CSF2RA: variants seen among roughly 807,000 people sequenced by gnomAD.
The protein encoded by CSF2RA is granulocyte-macrophage colony-stimulating factor receptor subunit alpha.
A neutral mutation model predicts 51.6 loss-of-function variants in CSF2RA; 42 were observed. That is an observed-to-expected ratio of 0.81 (90% CI 0.64 to 1.05). The LOEUF is 1.05. CSF2RA is among the 50% of genes least tolerant of loss of function. The probability of loss-of-function intolerance (pLI) is 0.00; values close to 1 mark genes in which losing one functional copy is unlikely to be tolerated. For missense variants in CSF2RA, 530 were observed against 501.1 expected (o/e 1.06, Z -0.55); for synonymous variants, 222 against 193.0 (o/e 1.15, Z -1.24).
At position 1,274,753 on chromosome X, in the gene CSF2RA, A is replaced by G. The variant is rs1161400432; in HGVS notation, c.-90-2A>G. 2 of 453,218 alleles carry G rather than the reference A, an allele frequency of 4.4e-6. No homozygotes were observed. The highest frequency in any genetic ancestry group is 3.1e-5 in the South Asian group (2 of 64,454). The allele number at this position is 453,218 out of a possible 1,614,324, so 28.1% of individuals were successfully genotyped here. A position where few individuals can be genotyped will look rare whatever the true frequency, so the allele number is the denominator to read the frequency against. On this transcript the variant is annotated splice_acceptor_variant, in intron 1 of 12. Coordinates refer to ENST00000381529, the MANE Select transcript of CSF2RA (RefSeq NM_172245.4). LOFTEE classifies it low-confidence loss of function (5UTR_SPLICE). Reference sequence around the variant, plus strand: ...GTCCTGAGACTTATTTACCTTTCACAGTTTACAGCAGGAAAATCCGTGGAG... The same window carrying G: ...GTCCTGAGACTTATTTACCTTTCACGGTTTACAGCAGGAAAATCCGTGGAG...
At chrX:1,273,767 A>ATT (rs1443563028) in intron 1 of CSF2RA, among the ~76,000 whole-genome samples, 72 of 132,366 alleles carry the variant, frequency 5.4e-4, no homozygotes, top group African/African-American at 7.3e-4. Context: ...TTTTTTTTGT[A>ATT]TTTTTTTTTT....
chrX:1,294,873 G>A (rs112738360), intron 8 of CSF2RA, among the ~76,000 whole-genome samples: 288 of 31,002 alleles, frequency 9.3e-3, no homozygotes, highest in Middle Eastern at 0.019. Context: ...GTGTAGACAG[G>A]AGGAGACCCT....
At chrX:1,289,011 C>A in intron 6 of CSF2RA, 123 bp downstream of exon 6, 2 of 1,349,312 alleles carry the variant, frequency 1.5e-6, no homozygotes, top group Non-Finnish European at 2.1e-6. Context: ...GCCCAGGCTG[C>A]AATGCAATGG....
intron 4 of CSF2RA, among the ~76,000 whole-genome samples, chrX:1,287,460 T>A (rs766866384): frequency 1.4e-5 from 2 of 143,544 alleles, no homozygotes; most frequent in South Asian, 4.5e-4. Flanking sequence ...CCTTTATTTT[T>A]TGGGATGGAG....
In CSF2RA at chrX:1,309,247, C is replaced by T. The variant is rs3922510; in HGVS notation, c.1126-155C>T. On this transcript the variant is annotated intron_variant, in intron 12 of 12. Coordinates refer to ENST00000381529, the MANE Select transcript of CSF2RA (RefSeq NM_172245.4). ...GGAGAATCGCTTGAACCCGGGAGGC[C>T]GAGGTTGCAGTGAGCTGAGATGACA... is the stretch of plus-strand genomic sequence containing the variant. 0.05 allele frequency among the ~76,000 whole-genome samples: 7,633 copies of T among 151,800 alleles called. 618 individuals are homozygous for T. The highest frequency in any genetic ancestry group is 0.17 in the African/African-American group (7,096 of 41,376).
Position 1,300,638 on chromosome X carries a change from G to A in CSF2RA, c.946+12G>A. 1 of 1,613,852 alleles carries A rather than the reference G, an allele frequency of 6.2e-7. No homozygotes were observed. The highest frequency in any genetic ancestry group is 8.5e-7 in the Non-Finnish European group (1 of 1,179,860). On this transcript the variant is annotated intron_variant, in intron 10 of 12. Transcript: ENST00000381529. ...AGCCATTGAATTTGGTAAGCGTTGG[G>A]CGGAGGTAAGGGATGTTTGTGCCGT...
At chrX:1,301,753 C>A (rs184386576) in intron 10 of CSF2RA, among the ~76,000 whole-genome samples, 4 of 150,668 alleles carry the variant, frequency 2.7e-5, no homozygotes, top group Non-Finnish European at 5.9e-5. Flanking sequence ...CCCATCACCA[C>A]GCCTGGCTAA....
chrX:1,300,293 T>C (rs2092283224), intron 9 of CSF2RA, 198 bp from the exon 10 acceptor site: 1 of 624,152 alleles, frequency 1.6e-6, no homozygotes, highest in Non-Finnish European at 2.8e-6. Context: ...TTGTCTCCCA[T>C]CGAAATACTA....
At chrX:1,286,078 G>T (rs1488230373) in intron 4 of CSF2RA, among the ~76,000 whole-genome samples, 158 bp downstream of exon 4, 1 of 152,066 alleles carries the variant, frequency 6.6e-6, no homozygotes, top group Non-Finnish European at 1.5e-5. Context: ...TTCAAGACCA[G>T]CCTGACCAAC....
chrX:1,303,409 A>ATTT, intron 10 of CSF2RA: 1 of 379,306 alleles, frequency 2.6e-6, no homozygotes, highest in Non-Finnish European at 4.7e-6. Context: ...CTAATTTTGT[A>ATTT]TTTTTTTTTT....
chrX:1,318,524 G>T, the CSF2RA span, among the ~76,000 whole-genome samples: 1 of 151,810 alleles, frequency 6.6e-6, no homozygotes, highest in Non-Finnish European at 1.5e-5. Flanking sequence ...TTACCCCCAG[G>T]CCGTTGGACT....
At chrX:1,275,547 CTTTAT>C (rs1481492265) in intron 2 of CSF2RA, among the ~76,000 whole-genome samples, 3 of 150,812 alleles carry the variant, frequency 2.0e-5, no homozygotes, top group Admixed American at 6.6e-5. Flanking sequence ...ACTTATTTTA[CTTTAT>C]TTTATTTATT....
At chrX:1,286,542 C>G (rs1195867381) in intron 4 of CSF2RA, among the ~76,000 whole-genome samples, 7 of 151,248 alleles carry the variant, frequency 4.6e-5, no homozygotes, top group Non-Finnish European at 8.8e-5. Flanking sequence ...GCACTCCAGC[C>G]TGGGCAACAA....
In CSF2RA at chrX:1,301,379, A is replaced by C. The variant is rs760120272; in HGVS notation, c.946+753A>C. 6.0e-5 allele frequency among the ~76,000 whole-genome samples: 9 copies of C among 149,450 alleles called. No homozygotes were observed. In the South Asian group the frequency reaches 1.7e-3, roughly 28 times the overall value. ...AGAAAAAGTAGAAGGAGGTGGTCTC[A>C]TACTCATACGGGGTCATGCAACATT... is the stretch of plus-strand genomic sequence containing the variant. On this transcript the variant is annotated intron_variant, in intron 10 of 12. Transcript: ENST00000381529.
intron 2 of CSF2RA, among the ~76,000 whole-genome samples, chrX:1,279,575 C>T (rs748871593): frequency 6.6e-6 from 1 of 151,754 alleles, no homozygotes; most frequent in South Asian, 2.1e-4. Flanking sequence ...TGCCCAGAAA[C>T]ACCTGCAAGA....
chrX:1,310,007 CA>C (rs1190717396), downstream of CSF2RA: 19 of 441,916 alleles, frequency 4.3e-5, no homozygotes, highest in African/African-American at 3.8e-4. Flanking sequence ...CCAGTCTGGG[CA>C]ACATAGCAAG....
intron 1 of CSF2RA, among the ~76,000 whole-genome samples, chrX:1,270,243 TTTA>T (rs2088201280): frequency 6.6e-6 from 1 of 151,206 alleles, no homozygotes; most frequent in South Asian, 2.1e-4. Flanking sequence ...TTATATATTT[TTTA>T]TTATTATTAT....
At chrX:1,315,632 T>C in the CSF2RA span, among the ~76,000 whole-genome samples, 1 of 152,172 alleles carries the variant, frequency 6.6e-6, no homozygotes, top group African/African-American at 2.4e-5. Context: ...CTCGAACTCC[T>C]GACCTCAAGT....
At chrX:1,292,108 A>G (rs1312540515) in intron 7 of CSF2RA, among the ~76,000 whole-genome samples, 3 of 148,520 alleles carry the variant, frequency 2.0e-5, no homozygotes, top group African/African-American at 7.6e-5. Flanking sequence ...CTCCACCTGG[A>G]CCCAGTGTAG....
Sources: allele counts gnomAD v4.1 joint callset (sites outside exome capture counted in the v4.1 genomes callset), GRCh38; gene constraint gnomAD v4.1.1; transcripts MANE v1.5; gene names NCBI Gene and HGNC (gene_info 2026-07-23, HGNC 2026-07-21).